Variants in PXDNL observed in about 807,000 individuals in gnomAD.
PXDNL encodes the protein peroxidasin like.
A neutral mutation model predicts 150.8 loss-of-function variants in PXDNL; 145 were observed. The observed-to-expected ratio is 0.96, with a 90% CI of 0.84 to 1.10. The LOEUF (loss-of-function observed/expected upper bound fraction) is 1.10. Among genes scored for constraint, PXDNL ranks in the 50% least tolerant of loss-of-function variants. PXDNL has a pLI of 0.00. For missense variants in PXDNL, 2,087 were observed against 1,873.9 expected (o/e 1.11, Z -2.10); for synonymous variants, 757 against 725.7 (o/e 1.04, Z -0.69).
At chr8:51,676,868 C>A (rs1361893784) in intron 1 of PXDNL, among the ~76,000 whole-genome samples, 10 of 152,112 alleles carry the variant, frequency 6.6e-5, no homozygotes, top group East Asian at 5.8e-4. Context: ...CAATAAGTAA[C>A]CCTGTCAAAA....
At chr8:51,534,464 C>T (rs1812009453) in intron 4 of PXDNL, among the ~76,000 whole-genome samples, 1 of 97,488 alleles carries the variant, frequency 1.0e-5, no homozygotes, top group African/African-American at 5.6e-5. Context: ...GCCAGCCGCC[C>T]CGTCCGGGAG....
chr8:51,599,798 T>G (rs1813658041), intron 2 of PXDNL, among the ~76,000 whole-genome samples: 1 of 143,412 alleles, frequency 7.0e-6, no homozygotes, highest in Non-Finnish European at 1.5e-5. Context: ...ATCGTTTAGA[T>G]AATAAATTAT....
chr8:51,751,266 T>C (rs556836536), intron 1 of PXDNL, among the ~76,000 whole-genome samples: 6 of 152,320 alleles, frequency 3.9e-5, no homozygotes, highest in Admixed American at 1.3e-4. Flanking sequence ...TGATAAAATA[T>C]AATTTACAAT....
chr8:51,620,676 T>C (rs1814232664), intron 2 of PXDNL, among the ~76,000 whole-genome samples: 1 of 151,018 alleles, frequency 6.6e-6, no homozygotes, highest in Non-Finnish European at 1.5e-5. Context: ...CTCAAGTAGC[T>C]GGGACTACAG....
intron 3 of PXDNL, among the ~76,000 whole-genome samples, chr8:51,583,871 T>C (rs983326906): frequency 6.6e-6 from 1 of 152,146 alleles, no homozygotes; most frequent in Non-Finnish European, 1.5e-5. Context: ...TATAAAGTAA[T>C]GCTACCTAAT....
At chr8:51,520,268 C>T (rs1192479835) in intron 4 of PXDNL, among the ~76,000 whole-genome samples, 1 of 152,172 alleles carries the variant, frequency 6.6e-6, no homozygotes, top group African/African-American at 2.4e-5. Context: ...ATCTGCCCCT[C>T]TTCAACCCAA....
chr8:51,389,227 G>A (rs1807819187), intron 17 of PXDNL, among the ~76,000 whole-genome samples: 1 of 152,072 alleles, frequency 6.6e-6, no homozygotes, highest in African/African-American at 2.4e-5. Flanking sequence ...GCTTGTGCGA[G>A]GATTTCAGGG....
At chr8:51,484,906 G>T (rs1810694230) in intron 5 of PXDNL, among the ~76,000 whole-genome samples, 1 of 152,200 alleles carries the variant, frequency 6.6e-6, no homozygotes, top group African/African-American at 2.4e-5. Context: ...AAGAGCCTAT[G>T]TGTGAAGAGA....
At chr8:51,564,232 C>T (rs978645898) in intron 3 of PXDNL, among the ~76,000 whole-genome samples, 4 of 151,898 alleles carry the variant, frequency 2.6e-5, no homozygotes, top group East Asian at 1.9e-4. Flanking sequence ...ACAAAAAGCA[C>T]TCAAAGTCTA....
intron 2 of PXDNL, among the ~76,000 whole-genome samples, chr8:51,625,591 A>AT (rs1382596642): frequency 1.3e-5 from 2 of 152,226 alleles, no homozygotes; most frequent in Non-Finnish European, 2.9e-5. Context: ...ATTTCTTGCC[A>AT]TGGTCTGGAG....
intron 5 of PXDNL, among the ~76,000 whole-genome samples, chr8:51,498,384 A>G (rs1811106942): frequency 6.6e-6 from 1 of 152,054 alleles, no homozygotes; most frequent in Non-Finnish European, 1.5e-5. Context: ...ATACATATGT[A>G]ACTAACCTGC....
intron 17 of PXDNL, among the ~76,000 whole-genome samples, chr8:51,383,630 T>C (rs948296060): frequency 6.6e-6 from 1 of 152,190 alleles, no homozygotes; most frequent in Non-Finnish European, 1.5e-5. Context: ...AAATTTACCT[T>C]TTAACCTTTT....
At chr8:51,580,130 T>C (rs577721853) in intron 3 of PXDNL, among the ~76,000 whole-genome samples, 80 of 152,236 alleles carry the variant, frequency 5.3e-4, no homozygotes, top group African/African-American at 1.8e-3. Context: ...GAGAATTGAC[T>C]GGTAGTTGCC....
At chr8:51,664,070 A>T (rs982423850) in intron 1 of PXDNL, among the ~76,000 whole-genome samples, 3 of 147,672 alleles carry the variant, frequency 2.0e-5, no homozygotes, top group Non-Finnish European at 1.5e-5. Context: ...AAAAAAAAAG[A>T]GCGAGAAAGA....
intron 1 of PXDNL, among the ~76,000 whole-genome samples, chr8:51,660,220 G>A (rs956929745): frequency 1.3e-5 from 2 of 152,186 alleles, no homozygotes; most frequent in South Asian, 2.1e-4. Flanking sequence ...AGTGTGCGCA[G>A]TACAGATGGT....
At chr8:51,605,760 C>A (rs116658803) in intron 2 of PXDNL, among the ~76,000 whole-genome samples, 1 of 152,304 alleles carries the variant, frequency 6.6e-6, no homozygotes, top group African/African-American at 2.4e-5. Context: ...GCCCTGCCCT[C>A]ATGAATGAGT....
At chr8:51,657,971 A>T (rs1377644447) in intron 1 of PXDNL, among the ~76,000 whole-genome samples, 2 of 152,002 alleles carry the variant, frequency 1.3e-5, no homozygotes, top group Non-Finnish European at 2.9e-5. Flanking sequence ...GGACTGTAAG[A>T]CTCTGCCCAC....
chr8:51,459,088 C>T (rs10106743), intron 8 of PXDNL, among the ~76,000 whole-genome samples: 31,273 of 152,140 alleles, frequency 0.21, 4,335 homozygotes, highest in African/African-American at 0.39. Flanking sequence ...ATCCATATCA[C>T]CCGTGAAGTT....
At chr8:51,715,065 T>C (rs188220504) in intron 1 of PXDNL, among the ~76,000 whole-genome samples, 1 of 152,362 alleles carries the variant, frequency 6.6e-6, no homozygotes, top group African/African-American at 2.4e-5. Context: ...AAAAGGCCTC[T>C]GTTGCTTCTT....
Sources: allele counts gnomAD v4.1 joint callset (sites outside exome capture counted in the v4.1 genomes callset), GRCh38; gene constraint gnomAD v4.1.1; transcripts MANE v1.5; gene names NCBI Gene and HGNC (gene_info 2026-07-23, HGNC 2026-07-21).